The following CCDC170 variants were observed in gnomAD, a reference collection of about 807,000 sequenced individuals.
The protein encoded by CCDC170 is coiled-coil domain-containing protein 170.
In CCDC170, 69 loss-of-function variants were observed where a neutral mutation model predicts 72.6. The ratio of observed to expected loss-of-function variants is 0.95; its 90% confidence interval spans 0.78 to 1.16. The LOEUF (loss-of-function observed/expected upper bound fraction) is 1.16. Ranked by LOEUF, CCDC170 falls within the 50% of genes most tolerant of loss-of-function variation. The pLI, the probability that CCDC170 is intolerant of heterozygous loss-of-function variation, is 0.00. For missense variants in CCDC170, 852 were observed against 832.5 expected (o/e 1.02, Z -0.29); for synonymous variants, 300 against 303.9 (o/e 0.99, Z 0.13).
Position 151,614,027 on chromosome 6 carries a change from C to G in CCDC170, c.1711-1416C>G, listed in dbSNP as rs571433937. ...TGATTGTCTGTCTTTTTTATTTTAGCCATCCTTTGATATTTTTAATGATCA... is the reference window on the plus strand; with the variant it reads ...TGATTGTCTGTCTTTTTTATTTTAGGCATCCTTTGATATTTTTAATGATCA... On this transcript the variant is annotated intron_variant, in intron 9 of 10. Coordinates refer to ENST00000239374, the MANE Select transcript of CCDC170 (RefSeq NM_025059.4). Among the ~76,000 whole-genome samples, 6 of 152,270 alleles carry G rather than the reference C, an allele frequency of 3.9e-5. No homozygotes were observed. The South Asian group carries it at 1.2e-3, about 32-fold the overall frequency.
chr6:151,557,341 G>A (rs148263063), intron 5 of CCDC170, among the ~76,000 whole-genome samples: 113 of 151,856 alleles, frequency 7.4e-4, no homozygotes, highest in African/African-American at 2.4e-3. Flanking sequence ...CCCAGGAGGC[G>A]GAGGTTGCAG....
Position 151,548,466 on chromosome 6 carries a change from G to A in CCDC170, c.751G>A (p.Glu251Lys), listed in dbSNP as rs1453721581. ...REQKKAASCT[E>K]EKEKLNQDLL... ...GCAGAAAAAAGCTGCCTCCTGTACT[G>A]AAGAGAAAGAGAAGCTGAACCAGGT... The change falls in exon 5 of 11, where the codon GAA (glutamate) becomes AAA (lysine). Residue 251 changes from glutamate (E) to lysine (K), a missense_variant. By Grantham distance (56) the Glu-to-Lys change is moderately conservative. Coordinates refer to ENST00000239374, the MANE Select transcript of CCDC170 (RefSeq NM_025059.4). 6.3e-7 allele frequency: 1 copy of A among 1,579,020 alleles called. No homozygotes were observed. Among genetic ancestry groups the A allele is most frequent in the African/African-American group, 1.4e-5 (1 of 73,236 alleles).
intron 1 of CCDC170, among the ~76,000 whole-genome samples, chr6:151,510,131 AT>A (rs1782127865): frequency 2.6e-5 from 4 of 152,126 alleles, no homozygotes; most frequent in African/African-American, 7.3e-5. Flanking sequence ...AAACAAGCCC[AT>A]AAAACAAATA....
chr6:151,519,981 A>T (rs115007519), intron 1 of CCDC170, among the ~76,000 whole-genome samples: 2,222 of 152,198 alleles, frequency 0.015, 52 homozygotes, highest in African/African-American at 0.051. Flanking sequence ...GGTCTTTGTG[A>T]CTATACTTTA....
At chr6:151,535,074 G>A (rs1264851533) in intron 1 of CCDC170, among the ~76,000 whole-genome samples, 1 of 152,212 alleles carries the variant, frequency 6.6e-6, no homozygotes, top group Non-Finnish European at 1.5e-5. Flanking sequence ...CAGGACCAGA[G>A]GGTTCAGTCT....
intron 1 of CCDC170, among the ~76,000 whole-genome samples, chr6:151,535,724 G>C (rs190771020): frequency 6.6e-6 from 1 of 151,982 alleles, no homozygotes; most frequent in Non-Finnish European, 1.5e-5. Flanking sequence ...CATTTGAGTC[G>C]GGTGGAAGGA....
At chr6:151,518,781 G>T (rs994426595) in intron 1 of CCDC170, among the ~76,000 whole-genome samples, 4 of 152,156 alleles carry the variant, frequency 2.6e-5, no homozygotes, top group African/African-American at 9.7e-5. Context: ...ATATCGGTAG[G>T]ACCATGATGC....
At chr6:151,504,631 G>A (rs534017466) in intron 1 of CCDC170, among the ~76,000 whole-genome samples, 10 of 152,222 alleles carry the variant, frequency 6.6e-5, no homozygotes, top group African/African-American at 1.9e-4. Context: ...ACCAGGGAGG[G>A]ACGAGGGATG....
rs377256935 is a variant in CCDC170 at position 151,517,434 on chromosome 6, C to CTT, written c.58-18868_58-18867dup. Among the ~76,000 whole-genome samples, 22 of 139,382 alleles carry CTT rather than the reference C, an allele frequency of 1.6e-4. 1 individual carries two copies. The highest frequency in any genetic ancestry group is 5.2e-4 in the African/African-American group (20 of 38,220). 91.4% of individuals were successfully genotyped at this position (139,382 alleles called of 152,430 possible). A position where few individuals can be genotyped will look rare whatever the true frequency, so the allele number is the denominator to read the frequency against. ...CCCTTACTAATGATTTCTTCTTCTT[C>CTT]TTTTTTTTTTTTTTTTTGAGATGGA... On this transcript the variant is annotated intron_variant, in intron 1 of 10. Transcript: ENST00000239374.
At chr6:151,563,695 C>T (rs1040807070) in intron 5 of CCDC170, among the ~76,000 whole-genome samples, 5 of 152,038 alleles carry the variant, frequency 3.3e-5, no homozygotes, top group Admixed American at 3.3e-4. Flanking sequence ...GTTCTCTGTC[C>T]CTGAGAAGTT....
At chr6:151,521,372 A>G (rs1434950158) in intron 1 of CCDC170, among the ~76,000 whole-genome samples, 1 of 152,164 alleles carries the variant, frequency 6.6e-6, no homozygotes, top group East Asian at 1.9e-4. Context: ...ATCTGCTGTT[A>G]ATACTATTTG....
intron 3 of CCDC170, among the ~76,000 whole-genome samples, chr6:151,540,990 C>A (rs80081870): frequency 0.014 from 2,105 of 152,228 alleles, 53 homozygotes; most frequent in African/African-American, 0.048. Context: ...TTCTATGAGC[C>A]AAAAGGCTCA....
chr6:151,590,116 A>T (rs539727401), intron 7 of CCDC170, among the ~76,000 whole-genome samples: 2 of 151,950 alleles, frequency 1.3e-5, no homozygotes, highest in African/African-American at 4.8e-5. Flanking sequence ...AGTCTTCCCT[A>T]AGAGACTTAC....
chr6:151,545,143 G>A (rs914192305), intron 4 of CCDC170, among the ~76,000 whole-genome samples: 4 of 152,164 alleles, frequency 2.6e-5, no homozygotes, highest in Non-Finnish European at 4.4e-5. Context: ...ATAGTGGCTG[G>A]GCGCGGTGAC....
chr6:151,605,932 T>G (rs1776776730), intron 9 of CCDC170, among the ~76,000 whole-genome samples: 1 of 149,684 alleles, frequency 6.7e-6, no homozygotes, highest in African/African-American at 2.5e-5. Context: ...GACAGAGTCT[T>G]ACTCTGTTGT....
At chr6:151,537,318 T>C (rs897173228) in intron 2 of CCDC170, among the ~76,000 whole-genome samples, 4 of 152,180 alleles carry the variant, frequency 2.6e-5, no homozygotes, top group South Asian at 2.1e-4. Flanking sequence ...CAGGACCCCA[T>C]AGAACGATGA....
intron 6 of CCDC170, among the ~76,000 whole-genome samples, chr6:151,582,910 G>T (rs547374950): frequency 1.3e-5 from 2 of 151,360 alleles, no homozygotes; most frequent in Middle Eastern, 6.9e-3. Context: ...ACCTCCAACT[G>T]TGAGGATCAA....
chr6:151,538,119 C>T lies in CCDC170; in HGVS notation c.261C>T (p.Tyr87=), dbSNP rs904231296. 6.2e-7 allele frequency: 1 copy of T among 1,613,264 alleles called. No homozygotes were observed. Among genetic ancestry groups the T allele is most frequent in the African/African-American group, 1.3e-5 (1 of 74,742 alleles). The stretch of plus-strand genomic sequence containing the variant: ...AACTGAAAGCTGAAATGGAGAGCTA[C>T]AAGGAAAACAATGCCAGAAAATCAT... ...CQELKAEMES[Y]KENNARKSSL... Residue 87 remains tyrosine, a synonymous_variant, in exon 3 of 11, where the codon TAC becomes TAT. Coordinates refer to ENST00000239374, the MANE Select transcript of CCDC170 (RefSeq NM_025059.4).
chr6:151,562,944 G>T (rs920966737), intron 5 of CCDC170, among the ~76,000 whole-genome samples: 1 of 152,212 alleles, frequency 6.6e-6, no homozygotes, highest in Non-Finnish European at 1.5e-5. Flanking sequence ...AACCCCTGTT[G>T]CAGGGCTCAT....
Sources: gnomAD v4.1 joint callset for allele counts (sites outside exome capture counted in the v4.1 genomes callset) on GRCh38, gnomAD v4.1.1 for gene constraint, MANE v1.5 for transcripts, NCBI Gene and HGNC (gene_info 2026-07-23, HGNC 2026-07-21) for gene names.